PGAP1: variants seen among roughly 807,000 people sequenced by gnomAD.
The protein encoded by PGAP1 is GPI inositol-deacylase.
PGAP1 carries 76 observed loss-of-function variants against 127.0 expected under a neutral mutation model. The ratio of observed to expected loss-of-function variants is 0.60; its 90% CI spans 0.50 to 0.72. PGAP1 has a LOEUF of 0.72. Among genes scored for constraint, PGAP1 ranks in the 30% least tolerant of loss-of-function variants. The pLI is 0.00. For missense variants in PGAP1, 982 were observed against 1,071.3 expected (o/e 0.92, Z 1.16); for synonymous variants, 362 against 366.5 (o/e 0.99, Z 0.14).
At chr2:196,873,638 C>CAT in intron 15 of PGAP1, 47 bp downstream of exon 15, 1 of 1,595,284 alleles carries the variant, frequency 6.3e-7, no homozygotes, top group Non-Finnish European at 8.6e-7. Flanking sequence ...TTAAAGTAAA[C>CAT]ATTAAAGTAA....
intron 20 of PGAP1, among the ~76,000 whole-genome samples, chr2:196,855,062 C>T (rs1373926275): frequency 2.6e-5 from 4 of 151,804 alleles, no homozygotes; most frequent in African/African-American, 9.7e-5. Flanking sequence ...GTGGCTCACG[C>T]CTGTAATCCT....
At chr2:196,849,356 C>T (rs1194333706) in intron 20 of PGAP1, among the ~76,000 whole-genome samples, 5 of 151,292 alleles carry the variant, frequency 3.3e-5, no homozygotes, top group East Asian at 3.9e-4. Context: ...CTCTGCCTCC[C>T]GGGTTCATGC....
Position 196,920,095 on chromosome 2 carries a change from A to T in PGAP1, c.203T>A (p.Leu68His). 1 of 1,613,360 alleles carries T rather than the reference A, an allele frequency of 6.2e-7. No individual in the cohort carries two copies. Among genetic ancestry groups the T allele is most frequent in the Non-Finnish European group, 8.5e-7 (1 of 1,179,532 alleles). Residue 68 changes from leucine (L) to histidine (H), a missense_variant, in exon 2 of 27, where the codon CTT becomes CAT. Transcript: ENST00000354764. ...AKRYPAYELY[L>H]YGEGSYAEEH... is the part of the protein sequence containing the mutation. ...TTCAGCATAGGATCCCTCTCCATAAAGATACAACTCATATGCGGGATAGCG... is the reference window on the plus strand; with the variant it reads ...TTCAGCATAGGATCCCTCTCCATAATGATACAACTCATATGCGGGATAGCG...
chr2:196,889,117 C>T (rs537526569), intron 10 of PGAP1, among the ~76,000 whole-genome samples: 2 of 152,126 alleles, frequency 1.3e-5, no homozygotes, highest in Admixed American at 1.3e-4. Context: ...AAAAAAGATC[C>T]TCCCATCAGC....
At chr2:196,845,604 T>A (rs554571690) in intron 23 of PGAP1, among the ~76,000 whole-genome samples, 15 of 150,426 alleles carry the variant, frequency 1.0e-4, no homozygotes, top group East Asian at 5.8e-4. Flanking sequence ...AAAAAAAAAA[T>A]TTAACACTTG....
intron 4 of PGAP1, among the ~76,000 whole-genome samples, chr2:196,911,398 T>C (rs1054352693): frequency 4.9e-5 from 3 of 61,684 alleles, no homozygotes; most frequent in Non-Finnish European, 9.5e-5. Context: ...TAGGTGGGAA[T>C]TGAACAATGA....
Position 196,898,381 on chromosome 2 carries a change from G to GA in PGAP1, c.808-13dup, listed in dbSNP as rs762293658. 1 of 1,593,268 alleles carries GA rather than the reference G, an allele frequency of 6.3e-7. No homozygotes were observed. The highest frequency in any genetic ancestry group is 8.6e-7 in the Non-Finnish European group (1 of 1,166,624). On this transcript the variant is annotated splice_polypyrimidine_tract_variant and intron_variant, in intron 5 of 26. Transcript: ENST00000354764. ...GGCACTGCTGAACTCTAAAAGAAAAGAAAAAAATAAACTTACGAAAAGCAC... is the reference window on the plus strand; with the variant it reads ...GGCACTGCTGAACTCTAAAAGAAAAGAAAAAAAATAAACTTACGAAAAGCAC...
chr2:196,851,153 TG>T (rs201023898), intron 20 of PGAP1, among the ~76,000 whole-genome samples: 1 of 149,260 alleles, frequency 6.7e-6, no homozygotes, highest in Non-Finnish European at 1.5e-5. Context: ...ACTGTTTTTT[TG>T]TTTTTTTTAA....
At position 196,842,727 on chromosome 2, in the gene PGAP1, T is replaced by G. The variant is rs1332454003; in HGVS notation, c.2624A>C (p.Lys875Thr). The G allele has an allele frequency of 6.5e-7, 1 of 1,533,030 alleles. No individual in the cohort carries two copies. Among genetic ancestry groups the G allele is most frequent in the South Asian group, 1.2e-5 (1 of 81,984 alleles). 95.0% of individuals were successfully genotyped at this position (1,533,030 alleles called of 1,614,324 possible). ...AAAGATTAAACTACTGTACCTTGAT[T>G]TTATTGAAACAGTGTAAGTATTTCC... The part of the protein sequence containing the change: ...ILGNTYTVSI[K>T]SSKLLKTTSQ... The change falls in exon 26 of 27, where the codon AAA becomes ACA. Residue 875 changes from lysine (K) to threonine (T), a missense_variant. Transcript: ENST00000354764.
chr2:196,919,522 G>A (rs1191782117), intron 2 of PGAP1, among the ~76,000 whole-genome samples: 1 of 152,116 alleles, frequency 6.6e-6, no homozygotes, highest in Non-Finnish European at 1.5e-5. Flanking sequence ...ATCTGTACAC[G>A]TAACTTCCCT....
At chr2:196,897,101 TTAAA>T (rs1240467147) in intron 7 of PGAP1, 26 bp downstream of exon 7, 3 of 1,281,650 alleles carry the variant, frequency 2.3e-6, no homozygotes, top group Non-Finnish European at 3.3e-6. Flanking sequence ...AAGCTTTCAT[TTAAA>T]TAATTTTTAG....
At chr2:196,884,403 C>G (rs1398725828) in intron 12 of PGAP1, among the ~76,000 whole-genome samples, 1 of 152,170 alleles carries the variant, frequency 6.6e-6, no homozygotes, top group Non-Finnish European at 1.5e-5. Context: ...ACTTTCCTAT[C>G]ATATTTGTTT....
Position 196,845,944 on chromosome 2 carries a change from CTA to C in PGAP1, c.2222_2223del (p.Ile741SerfsTer2). The C allele has an allele frequency of 6.2e-7, 1 of 1,608,664 alleles. No individual in the cohort carries two copies. Among genetic ancestry groups the C allele is most frequent in the Non-Finnish European group, 8.5e-7 (1 of 1,176,648 alleles). ...AGTGCTCCACAAGTTGTCCAACTAACTATGATCAAGACAATTGTCAAAAAGGG... is the reference window on the plus strand; with the variant it reads ...AGTGCTCCACAAGTTGTCCAACTAACTGATCAAGACAATTGTCAAAAAGGG... ...DLPFLTIVLI[I>X]VSWTTCGALA... On this transcript the variant is annotated frameshift_variant, in exon 23 of 27. Coordinates refer to ENST00000354764, the MANE Select transcript of PGAP1 (RefSeq NM_024989.4). LOFTEE classifies it high-confidence loss of function.
chr2:196,841,118 A>G lies in PGAP1; in HGVS notation c.*116T>C, dbSNP rs1003137608. ...CTAATTTCCTATTTTCAATATTGTAAAAATAGACTTGTCTTCTCCAAAGGA... is the reference window on the plus strand; with the variant it reads ...CTAATTTCCTATTTTCAATATTGTAGAAATAGACTTGTCTTCTCCAAAGGA... On this transcript the variant is annotated 3_prime_UTR_variant, in exon 27 of 27. Coordinates refer to ENST00000354764, the MANE Select transcript of PGAP1 (RefSeq NM_024989.4). The G allele has an allele frequency of 1.8e-6, 2 of 1,121,538 alleles. No homozygotes were observed. The highest frequency in any genetic ancestry group is 2.6e-5 in the Admixed American group (1 of 38,938). 69.5% of individuals were successfully genotyped at this position (1,121,538 alleles called of 1,614,324 possible).
chr2:196,876,767 G>C (rs1701581655), intron 13 of PGAP1, among the ~76,000 whole-genome samples: 1 of 152,002 alleles, frequency 6.6e-6, no homozygotes, highest in Admixed American at 6.6e-5. Context: ...TTTGCCTCTT[G>C]GGTAGATTTT....
chr2:196,893,800 C>T (rs1223492230), intron 7 of PGAP1, among the ~76,000 whole-genome samples: 1 of 152,086 alleles, frequency 6.6e-6, no homozygotes, highest in Non-Finnish European at 1.5e-5. Flanking sequence ...AATATCCTGG[C>T]ACAATAAAAA....
At chr2:196,878,265 G>A (rs2125805010) in intron 13 of PGAP1, among the ~76,000 whole-genome samples, 1 of 152,232 alleles carries the variant, frequency 6.6e-6, no homozygotes, top group East Asian at 1.9e-4. Context: ...TGGAACCCAA[G>A]TCTAAACACA....
Position 196,843,998 on chromosome 2 carries a change from A to G in PGAP1, c.2415T>C (p.Ser805=), listed in dbSNP as rs1393201922. The G allele has an allele frequency of 6.2e-7, 1 of 1,608,482 alleles. No homozygotes were observed. Among genetic ancestry groups the G allele is most frequent in the East Asian group, 2.2e-5 (1 of 44,802 alleles). Residue 805 remains serine, a synonymous_variant, in exon 25 of 27, where the codon TCT becomes TCC. Transcript: ENST00000354764. ...KDSSIHHLRL[S]ANDAEDSLRM... ...GAAGGCTATCTTCAGCATCGTTGGC[A>G]GATAAACGAAGATGGTGTATTGAGG...
intron 21 of PGAP1, 125 bp from the exon 22 acceptor site, chr2:196,847,325 C>T (rs1700586183): frequency 1.5e-6 from 1 of 677,864 alleles, no homozygotes; most frequent in African/African-American, 1.8e-5. Flanking sequence ...TATAATTATA[C>T]TGAAAAACAA....
Sources: allele counts gnomAD v4.1 joint callset (sites outside exome capture counted in the v4.1 genomes callset), GRCh38; gene constraint gnomAD v4.1.1; transcripts MANE v1.5; gene names NCBI Gene and HGNC (gene_info 2026-07-23, HGNC 2026-07-21).